Variants in UTY observed in about 807,000 individuals in gnomAD.
UTY encodes the protein histone demethylase UTY.
UTY carries 12 observed loss-of-function variants against 32.5 expected under a neutral mutation model. The observed-to-expected ratio is 0.37, with a 90% CI of 0.24 to 0.60. The LOEUF (loss-of-function observed/expected upper bound fraction) is 0.60, where lower values mean the gene tolerates loss of function less well. Among genes scored for constraint, UTY ranks in the 20% least tolerant of loss-of-function variants. The pLI is 0.69. For missense variants in UTY, 303 were observed against 299.2 expected, an observed-to-expected ratio of 1.01 and a Z score of -0.09; for synonymous variants, 131 against 103.4, an observed-to-expected ratio of 1.27 and a Z score of -1.62.
intron 3 of UTY, among the ~76,000 whole-genome samples, chrY:13,461,893 C>T (rs751808150): frequency 3.0e-5 from 1 of 33,339 alleles, no homozygotes; most frequent in Non-Finnish European, 7.4e-5. Context: ...CTTGGCCTCC[C>T]GAAGTCCTGG....
At chrY:13,401,784 G>A in intron 6 of UTY, among the ~76,000 whole-genome samples, 1 of 32,798 alleles carries the variant, frequency 3.0e-5, no homozygotes. Flanking sequence ...GCTGAGACAA[G>A]AGAATTGTTT....
chrY:13,234,116 C>T, downstream of UTY, among the ~76,000 whole-genome samples: 2 of 34,500 alleles, frequency 5.8e-5, no homozygotes, highest in African/African-American at 1.1e-4. Flanking sequence ...ACACTTGGCT[C>T]ACATTACTGG....
intron 8 of UTY, among the ~76,000 whole-genome samples, chrY:13,371,355 C>CCACA (rs770242542): frequency 6.7e-5 from 2 of 29,974 alleles, no homozygotes; most frequent in East Asian, 8.4e-4. Flanking sequence ...GCATACACAA[C>CCACA]CACACACACA....
chrY:13,330,029 G>C (rs1028820442), intron 18 of UTY, among the ~76,000 whole-genome samples: 1 of 33,186 alleles, frequency 3.0e-5, no homozygotes, highest in African/African-American at 1.2e-4. Context: ...ACAAACAATA[G>C]GATATTCCAG....
intron 15 of UTY, among the ~76,000 whole-genome samples, chrY:13,357,531 C>T: frequency 3.4e-5 from 1 of 29,359 alleles, no homozygotes; most frequent in African/African-American, 1.3e-4. Flanking sequence ...CCAGCCTGGG[C>T]AACAAAGCAA....
chrY:13,392,263 C>T, intron 8 of UTY, among the ~76,000 whole-genome samples: 1 of 33,399 alleles, frequency 3.0e-5, no homozygotes, highest in South Asian at 6.7e-4. Context: ...AAAAGACATA[C>T]CCAAAACGTG....
intron 4 of UTY, among the ~76,000 whole-genome samples, chrY:13,424,512 G>T (rs2073020643): frequency 3.1e-5 from 1 of 32,757 alleles, no homozygotes; most frequent in Non-Finnish European, 7.5e-5. Context: ...AGGTCAGGAG[G>T]TCAAGACCAT....
chrY:13,287,120 T>TG, intron 27 of UTY: 1 of 351,272 alleles, frequency 2.8e-6, no homozygotes, highest in East Asian at 9.3e-5. Context: ...GTTACTATTG[T>TG]GGGTGTAAAG....
chrY:13,477,096 G>A, intron 2 of UTY, among the ~76,000 whole-genome samples: 1 of 33,316 alleles, frequency 3.0e-5, no homozygotes, highest in Non-Finnish European at 7.4e-5. Flanking sequence ...TGTGAGAAAG[G>A]GAAAAAATAC....
rs2078613051 is a variant in UTY, at chrY:13,472,475, A to AGCTAAT, written c.217-2247_217-2246insATTAGC. Among the ~76,000 whole-genome samples the AGCTAAT allele has an allele frequency of 1.2e-4, 4 of 33,321 alleles. No homozygotes were observed. In the East Asian group the frequency reaches 3.1e-3, roughly 26 times the overall value. The allele number at this position is 33,321 out of a possible 37,273, so 89.4% of individuals were successfully genotyped here. A position where few individuals can be genotyped will look rare whatever the true frequency, so the allele number is the denominator to read the frequency against. On this transcript the variant is annotated intron_variant, in intron 2 of 29. Transcript: ENST00000545955. The stretch of plus-strand genomic sequence containing the variant: ...CTCTTATACACTTTCATAGAGTATT[A>AGCTAAT]GCACACTCTGAAAAACAGTATGGAG...
chrY:13,341,291 C>G, intron 17 of UTY, among the ~76,000 whole-genome samples: 1 of 32,763 alleles, frequency 3.1e-5, no homozygotes, highest in Non-Finnish European at 7.4e-5. Context: ...ATGAGGAGGC[C>G]AAGAGAAAAG....
downstream of UTY, chrY:13,234,559 T>C: frequency 7.3e-6 from 1 of 136,153 alleles, no homozygotes; most frequent in Non-Finnish European, 1.5e-5. Flanking sequence ...CAGGGAAGAA[T>C]GAGGAACGTG....
At chrY:13,450,093 T>C (rs2076200497) in intron 3 of UTY, among the ~76,000 whole-genome samples, 2 of 33,329 alleles carry the variant, frequency 6.0e-5, no homozygotes, top group East Asian at 1.6e-3. Flanking sequence ...CAACAGACAG[T>C]AGCATATATA....
At chrY:13,324,487 C>T (rs565610809) in intron 20 of UTY, 114 bp downstream of exon 20, 3 of 196,029 alleles carry the variant, frequency 1.5e-5, no homozygotes, top group African/African-American at 1.7e-4. Context: ...AGAAAGATAA[C>T]ACACATTAAA....
intron 3 of UTY, among the ~76,000 whole-genome samples, chrY:13,460,488 C>A: frequency 1.8e-4 from 6 of 33,330 alleles, no homozygotes; most frequent in African/African-American, 7.0e-4. Flanking sequence ...ACTGCTTGAT[C>A]TCGGAAGTTC....
intron 8 of UTY, 24 bp downstream of exon 8, chrY:13,393,835 T>C: frequency 2.7e-6 from 1 of 375,967 alleles, no homozygotes; most frequent in Non-Finnish European, 3.7e-6. Flanking sequence ...TGTTTCATTC[T>C]TGTTCTTAAG....
chrY:13,255,723 G>C lies in UTY; in HGVS notation c.4138-4536C>G. ...GCATTTAATAGTCACAGATTTAAAA[G>C]ACTGTTTCTTTACTACCCCTTTAGC... On this transcript the variant is annotated intron_variant, in intron 28 of 29. Coordinates refer to ENST00000545955, the MANE Select transcript of UTY (RefSeq NM_001258249.2). 1.8e-4 allele frequency among the ~76,000 whole-genome samples: 6 copies of C among 33,466 alleles called. No homozygotes were observed. The South Asian group carries it at 4.0e-3, about 22-fold the overall frequency. The allele number at this position is 33,466 out of a possible 37,273, so 89.8% of individuals were successfully genotyped here.
chrY:13,318,072 A>C, intron 21 of UTY, among the ~76,000 whole-genome samples: 1 of 31,003 alleles, frequency 3.2e-5, no homozygotes, highest in Non-Finnish European at 7.7e-5. Context: ...AGGCAGAAGA[A>C]TTGCTTGAAC....
At chrY:13,367,839 T>G (rs771045419) in intron 9 of UTY, among the ~76,000 whole-genome samples, 1 of 33,226 alleles carries the variant, frequency 3.0e-5, no homozygotes, top group East Asian at 7.7e-4. Context: ...ATCTTCAATA[T>G]GAGAATGTAA....
Sources: allele counts gnomAD v4.1 joint callset (sites outside exome capture counted in the v4.1 genomes callset), GRCh38; gene constraint gnomAD v4.1.1; transcripts MANE v1.5; gene names NCBI Gene and HGNC (gene_info 2026-07-23, HGNC 2026-07-21).